Variants in EML5 observed in about 807,000 individuals in gnomAD.
EML5 encodes echinoderm microtubule-associated protein-like 5.
A neutral mutation model predicts 250.0 loss-of-function variants in EML5; 120 were observed. The ratio of observed to expected loss-of-function variants is 0.48; its 90% CI spans 0.41 to 0.56. The LOEUF (loss-of-function observed/expected upper bound fraction) is 0.56. Ranked by LOEUF, EML5 falls within the 20% of genes least tolerant of loss-of-function variation. The probability of loss-of-function intolerance (pLI) is 0.00; values close to 1 mark genes in which losing one functional copy is unlikely to be tolerated. For missense variants in EML5, 2,006 were observed against 2,437.6 expected (o/e 0.82, Z 3.73); for synonymous variants, 771 against 806.5 (o/e 0.96, Z 0.75).
chr14:88,664,200 C>A (rs1342094305), intron 23 of EML5, among the ~76,000 whole-genome samples: 1 of 149,412 alleles, frequency 6.7e-6, no homozygotes, highest in Admixed American at 6.7e-5. Context: ...TGACTTAAGC[C>A]CAGGAGGTTA....
chr14:88,687,175 C>T (rs1566634010), intron 19 of EML5, 41 bp downstream of exon 19: 2 of 1,460,862 alleles, frequency 1.4e-6, no homozygotes, highest in Admixed American at 2.0e-5. Flanking sequence ...AGCAATTAAT[C>T]TTTTTTTCCT....
At chr14:88,627,260 C>T (rs1000441227) in intron 34 of EML5, 41 of 572,182 alleles carry the variant, frequency 7.2e-5, no homozygotes, top group Admixed American at 2.5e-4. Context: ...CTTTATATAA[C>T]GTAAATGTTT....
intron 1 of EML5, among the ~76,000 whole-genome samples, chr14:88,769,606 T>G (rs2094366031): frequency 6.6e-6 from 1 of 152,152 alleles, no homozygotes; most frequent in Non-Finnish European, 1.5e-5. Context: ...TAACAAATAG[T>G]CATATCTGAA....
intron 25 of EML5, among the ~76,000 whole-genome samples, chr14:88,659,134 A>C (rs2091977562): frequency 1.3e-5 from 2 of 152,196 alleles, no homozygotes; most frequent in Non-Finnish European, 2.9e-5. Context: ...AAAGCATCAT[A>C]AAGCAGGTTT....
chr14:88,691,575 C>G (rs1174596681), intron 17 of EML5, among the ~76,000 whole-genome samples: 1 of 152,136 alleles, frequency 6.6e-6, no homozygotes, highest in Non-Finnish European at 1.5e-5. Flanking sequence ...TCTGTCCCTA[C>G]CATGAATAGA....
chr14:88,698,900 CACA>C (rs1055483718), intron 14 of EML5, among the ~76,000 whole-genome samples: 3 of 152,100 alleles, frequency 2.0e-5, no homozygotes, highest in African/African-American at 7.2e-5. Context: ...ATGTACCAAT[CACA>C]ACAACTCTAC....
chr14:88,703,460 T>C (rs1172316249), intron 13 of EML5, among the ~76,000 whole-genome samples: 1 of 152,182 alleles, frequency 6.6e-6, no homozygotes, highest in African/African-American at 2.4e-5. Flanking sequence ...ATTATCCTCA[T>C]CCAAGACAAA....
chr14:88,685,203 AT>A, intron 19 of EML5, 61 bp from the exon 20 acceptor site: 1 of 1,364,506 alleles, frequency 7.3e-7, no homozygotes, highest in Admixed American at 2.5e-5. Flanking sequence ...AACAGTGTAT[AT>A]ATTGCCAATT....
At chr14:88,729,619 G>A (rs764193008) in intron 7 of EML5, among the ~76,000 whole-genome samples, 2 of 151,696 alleles carry the variant, frequency 1.3e-5, no homozygotes, top group African/African-American at 4.9e-5. Context: ...TGTAGTGCTG[G>A]CGCAATCTTA....
rs2091236700 is a variant in EML5, at chr14:88,644,380, A to G, written c.4107+53T>C. 8.4e-6 allele frequency: 13 copies of G among 1,547,478 alleles called. No individual in the cohort carries two copies. In the South Asian group the frequency reaches 1.1e-4, roughly 13 times the overall value. On this transcript the variant is annotated intron_variant, in intron 30 of 43. Coordinates refer to ENST00000554922, the MANE Select transcript of EML5 (RefSeq NM_183387.3). ...TAATGACAAAACTTGGGTGTTTTAT[A>G]AAAAAGAACTCTGGATACATTTCAG...
At chr14:88,615,997 T>A in intron 43 of EML5, 143 bp from the exon 44 acceptor site, 1 of 1,267,300 alleles carries the variant, frequency 7.9e-7, no homozygotes, top group Non-Finnish European at 1.1e-6. Context: ...TGCATAAATA[T>A]GAGATTCTGA....
chr14:88,660,295 A>AG (rs929551819), intron 25 of EML5, among the ~76,000 whole-genome samples: 1 of 151,786 alleles, frequency 6.6e-6, no homozygotes, highest in African/African-American at 2.4e-5. Flanking sequence ...AAAAAAAAAA[A>AG]AAAGAAAGGA....
chr14:88,791,053 A>G (rs945250565), intron 1 of EML5, among the ~76,000 whole-genome samples: 4 of 152,038 alleles, frequency 2.6e-5, no homozygotes, highest in African/African-American at 9.7e-5. Flanking sequence ...ACAGAGCACC[A>G]CCTCATTCCT....
At chr14:88,779,435 T>C (rs538322329) in intron 1 of EML5, among the ~76,000 whole-genome samples, 2 of 152,330 alleles carry the variant, frequency 1.3e-5, no homozygotes, top group South Asian at 4.1e-4. Flanking sequence ...ACAGTTTATA[T>C]AATAAAGGCT....
chr14:88,746,377 GT>G, intron 2 of EML5, 94 bp from the exon 3 acceptor site: 2 of 1,012,164 alleles, frequency 2.0e-6, no homozygotes, highest in Non-Finnish European at 3.0e-6. Flanking sequence ...ATACTCATGG[GT>G]TTTTATAAAC....
chr14:88,731,979 G>A (rs1173784730), intron 7 of EML5, among the ~76,000 whole-genome samples: 3 of 152,166 alleles, frequency 2.0e-5, no homozygotes, highest in Non-Finnish European at 4.4e-5. Context: ...TTTGTCAGAT[G>A]AGTAGAGTGC....
chr14:88,732,547 G>A (rs2093777414), intron 7 of EML5, among the ~76,000 whole-genome samples: 1 of 152,144 alleles, frequency 6.6e-6, no homozygotes, highest in Non-Finnish European at 1.5e-5. Flanking sequence ...TTGGCAATGT[G>A]GGCCCTTTTT....
chr14:88,619,671 A>T (rs749306658), intron 39 of EML5: 4 of 150,056 alleles, frequency 2.7e-5, no homozygotes, highest in Non-Finnish European at 4.4e-5. Flanking sequence ...CACAACTTGA[A>T]TCTTGGAAGA....
rs72697947 is a variant in EML5, at chr14:88,767,302, C to T, written c.198-12631G>A. On this transcript the variant is annotated intron_variant, in intron 1 of 43. Transcript: ENST00000554922. ...GATGATTGTAGGTCAGTTCTCAAAG[C>T]GCCTGATATGCAGGCAGTTCCTGCA... Among the ~76,000 whole-genome samples, 196 of 152,276 alleles carry T rather than the reference C, an allele frequency of 1.3e-3. 1 individual carries two copies. The Middle Eastern group carries it at 0.017, about 13-fold the overall frequency.
Sources: gnomAD v4.1 joint callset for allele counts (sites outside exome capture counted in the v4.1 genomes callset) on GRCh38, gnomAD v4.1.1 for gene constraint, MANE v1.5 for transcripts, NCBI Gene and HGNC (gene_info 2026-07-23, HGNC 2026-07-21) for gene names.